Variants in FBXO31 observed in about 807,000 individuals in gnomAD.
FBXO31 encodes the protein F-box only protein 31.
Under a neutral mutation model 54.4 loss-of-function variants are expected in FBXO31, and 24 were observed. The observed-to-expected ratio is 0.44, with a 90% confidence interval of 0.32 to 0.62. FBXO31 has a LOEUF of 0.62. FBXO31 is among the 20% of genes least tolerant of loss of function. FBXO31 has a pLI of 0.05. For missense variants in FBXO31, 665 were observed against 787.1 expected, an observed-to-expected ratio of 0.84 and a Z score of 1.86; for synonymous variants, 388 against 335.6, an observed-to-expected ratio of 1.16 and a Z score of -1.71.
chr16:87,344,660 T>G (rs1905302743), intron 3 of FBXO31, among the ~76,000 whole-genome samples: 1 of 151,880 alleles, frequency 6.6e-6, no homozygotes, highest in Non-Finnish European at 1.5e-5. Context: ...TTTACTCTAT[T>G]ACTCACTGCC....
At chr16:87,340,261 T>TG (rs1325942043) in intron 5 of FBXO31, among the ~76,000 whole-genome samples, 7 of 152,186 alleles carry the variant, frequency 4.6e-5, no homozygotes, top group Non-Finnish European at 8.8e-5. Flanking sequence ...TACTCCAGTG[T>TG]GGGGGACAGG....
At position 87,333,026 on chromosome 16, in the gene FBXO31, G is replaced by A. The variant is rs553305271; in HGVS notation, c.1397+860C>T. Among the ~76,000 whole-genome samples, 5 of 152,304 alleles carry A rather than the reference G, an allele frequency of 3.3e-5. No homozygotes were observed. In the South Asian group the frequency reaches 8.3e-4, roughly 25 times the overall value. On this transcript the variant is annotated intron_variant, in intron 8 of 8. Coordinates refer to ENST00000311635, the MANE Select transcript of FBXO31 (RefSeq NM_024735.5). ...GGAGCACTTGAAACATGGCCTGGGC[G>A]GCTGAGGGCCTGGATTTTTCATATT...
rs904363996 is a variant in FBXO31, at chr16:87,335,208, T to C, written c.996+96A>G. On this transcript the variant is annotated intron_variant, in intron 7 of 8. Coordinates refer to ENST00000311635, the MANE Select transcript of FBXO31 (RefSeq NM_024735.5). This position sits in a 1 kb window ranked among gnomAD's most constrained non-coding sequence, Gnocchi z 5.7. ...GCAAGCCCACTCTGAGGAGCAAGGG[T>C]GCCGGGGATCAGTGTCTGCCCAAGT... 1.3e-6 allele frequency: 2 copies of C among 1,552,132 alleles called. No individual in the cohort carries two copies. The highest frequency in any genetic ancestry group is 2.7e-5 in the African/African-American group (2 of 73,938).
At chr16:87,362,196 T>G (rs777852702) in intron 1 of FBXO31, among the ~76,000 whole-genome samples, 1 of 151,990 alleles carries the variant, frequency 6.6e-6, no homozygotes, top group South Asian at 2.1e-4. Context: ...CATTTTCTAG[T>G]AGCCACATCA....
chr16:87,341,988 G>T (rs1038345449), intron 5 of FBXO31, among the ~76,000 whole-genome samples: 3 of 152,192 alleles, frequency 2.0e-5, no homozygotes, highest in Non-Finnish European at 4.4e-5. Context: ...AAGGTGGGAA[G>T]ACGGCTTGAG....
chr16:87,367,749 T>C (rs1256798007), intron 1 of FBXO31: 2 of 152,178 alleles, frequency 1.3e-5, no homozygotes, highest in Non-Finnish European at 2.9e-5. Context: ...ATGCTCTGAT[T>C]CCCTGCGCCA....
chr16:87,381,114 C>G (rs1907057224), intron 1 of FBXO31, among the ~76,000 whole-genome samples: 1 of 152,138 alleles, frequency 6.6e-6, no homozygotes, highest in Admixed American at 6.6e-5. Context: ...AATGGGTAGA[C>G]TTCACAGGGA....
At chr16:87,369,811 TTC>T (rs1370028093) in intron 1 of FBXO31, among the ~76,000 whole-genome samples, 9 of 152,356 alleles carry the variant, frequency 5.9e-5, no homozygotes, top group African/African-American at 2.2e-4. Context: ...GGGTCTCACT[TTC>T]TGTCAGCCAG....
At chr16:87,364,439 C>T (rs1457318239) in intron 1 of FBXO31, among the ~76,000 whole-genome samples, 1 of 152,224 alleles carries the variant, frequency 6.6e-6, no homozygotes, top group African/African-American at 2.4e-5. Context: ...CAGGACGCAG[C>T]CAGACCTGGG....
chr16:87,352,453 CA>C (rs111624539), intron 2 of FBXO31, among the ~76,000 whole-genome samples: 107 of 148,878 alleles, frequency 7.2e-4, no homozygotes, highest in African/African-American at 2.5e-3. Flanking sequence ...ATAACATAAC[CA>C]AAAAAAAAAT....
intron 1 of FBXO31, among the ~76,000 whole-genome samples, chr16:87,363,055 A>G (rs1310917506): frequency 1.3e-5 from 2 of 152,138 alleles, no homozygotes; most frequent in Non-Finnish European, 2.9e-5. Flanking sequence ...CCTGCTAGTA[A>G]TGACAGAGAA....
rs749224996 is a variant in FBXO31 at position 87,383,630 on chromosome 16, G to C, written c.115C>G (p.Pro39Ala). ...CTAGCCTCGATGCGCTCCTCCTCGGGGTCTGTGTCCGGCTCGCTGTCGGCC... is the reference window on the plus strand; with the variant it reads ...CTAGCCTCGATGCGCTCCTCCTCGGCGTCTGTGTCCGGCTCGCTGTCGGCC... ...AAADSEPDTDPEEERIEASAG... is the reference protein window; with the variant it reads ...AAADSEPDTDAEEERIEASAG... The change falls in exon 1 of 9, where the codon CCC becomes GCC. Residue 39 changes from proline to alanine, a missense_variant. Physicochemically the swap from Pro to Ala is conservative, Grantham distance 27. Transcript: ENST00000311635. The surrounding 1 kb of genome is among the most constrained non-coding windows in gnomAD (Gnocchi z 4.9). 3.5e-6 allele frequency: 5 copies of C among 1,429,602 alleles called. No homozygotes were observed. The highest frequency in any genetic ancestry group is 4.6e-6 in the Non-Finnish European group (5 of 1,096,594). The allele number at this position is 1,429,602 out of a possible 1,614,324, so 88.6% of individuals were successfully genotyped here.
In FBXO31 at chr16:87,329,919, A is replaced by G. The variant is rs1904788440; in HGVS notation, c.*1369T>C. ...GAAATTCATCAGGAAAACATTTCCC[A>G]GGACATCCTCAGGTTGGTCTCCACA... On this transcript the variant is annotated 3_prime_UTR_variant, in exon 9 of 9. Transcript: ENST00000311635. 6.6e-6 allele frequency: 1 copy of G among 152,322 alleles called. No individual in the cohort carries two copies. Among genetic ancestry groups the G allele is most frequent in the Non-Finnish European group, 1.5e-5 (1 of 68,074 alleles). 9.4% of individuals were successfully genotyped at this position (152,322 alleles called of 1,614,324 possible).
chr16:87,364,566 C>A (rs1425213906), intron 1 of FBXO31, among the ~76,000 whole-genome samples: 1 of 152,184 alleles, frequency 6.6e-6, no homozygotes, highest in Admixed American at 6.5e-5. Flanking sequence ...GAACCAGAGG[C>A]CTGGGCGGGG....
intron 1 of FBXO31, chr16:87,367,278 C>G (rs773219124): frequency 6.6e-6 from 1 of 152,212 alleles, no homozygotes; most frequent in East Asian, 1.9e-4. Flanking sequence ...ATCTGAGGGA[C>G]TGTGGGTTGT....
chr16:87,333,910 T>A lies in FBXO31; in HGVS notation c.1373A>T (p.Asp458Val), dbSNP rs1308123880. ...CCACATCCTGCAGGTTCGGGGGTAG[T>A]CCTCATTCCTGGAGCTCACGCCCAC... ...LPVGVSSRNEDYPRTCRMCFY... is the reference protein window; with the variant it reads ...LPVGVSSRNEVYPRTCRMCFY... Residue 458 changes from aspartate to valine, a missense_variant, in exon 8 of 9, where the codon GAC becomes GTC. By Grantham distance (152) the Asp-to-Val change is radical. Transcript: ENST00000311635. The A allele has an allele frequency of 6.2e-7, 1 of 1,608,286 alleles. No individual in the cohort carries two copies. The highest frequency in any genetic ancestry group is 8.5e-7 in the Non-Finnish European group (1 of 1,176,858).
chr16:87,368,544 C>T (rs752516137), intron 1 of FBXO31, among the ~76,000 whole-genome samples: 1 of 152,190 alleles, frequency 6.6e-6, no homozygotes, highest in African/African-American at 2.4e-5. Flanking sequence ...GCTGCCTACC[C>T]GCTTCCAGGC....
intron 1 of FBXO31, among the ~76,000 whole-genome samples, chr16:87,370,670 C>A (rs967298418): frequency 3.9e-5 from 6 of 152,190 alleles, no homozygotes; most frequent in Admixed American, 1.3e-4. Context: ...GAGGCAGCCA[C>A]TGCGGCCCCT....
intron 2 of FBXO31, among the ~76,000 whole-genome samples, chr16:87,359,319 C>T (rs959332287): frequency 6.6e-6 from 1 of 152,186 alleles, no homozygotes; most frequent in Admixed American, 6.5e-5. Flanking sequence ...CCTGCCTATG[C>T]CCGGATGGCC....
Sources: gnomAD v4.1 joint callset for allele counts (sites outside exome capture counted in the v4.1 genomes callset) on GRCh38, gnomAD v4.1.1 for gene constraint, Gnocchi (gnomAD v3.1) non-coding constraint, MANE v1.5 for transcripts, NCBI Gene and HGNC (gene_info 2026-07-23, HGNC 2026-07-21) for gene names.